IFT52: variants seen among roughly 807,000 people sequenced by gnomAD.
IFT52 encodes the protein intraflagellar transport protein 52 homolog.
Under a neutral mutation model 54.4 loss-of-function variants are expected in IFT52, and 44 were observed. The observed-to-expected ratio is 0.81, with a 90% CI of 0.63 to 1.04. The LOEUF is 1.04. Ranked by LOEUF, IFT52 falls within the 50% of genes least tolerant of loss-of-function variation. IFT52 has a pLI of 0.00. For missense variants in IFT52, 452 were observed against 523.6 expected (o/e 0.86, Z 1.33); for synonymous variants, 181 against 185.3 (o/e 0.98, Z 0.19).
intron 6 of IFT52, among the ~76,000 whole-genome samples, chr20:43,606,486 C>T (rs919404911): frequency 6.6e-6 from 1 of 151,872 alleles, no homozygotes; most frequent in Non-Finnish European, 1.5e-5. Context: ...GTTGGTCAGG[C>T]TGGTCTTGAA....
chr20:43,596,575 C>G lies in IFT52; in HGVS notation c.207+53C>G, dbSNP rs1981977625. The G allele has an allele frequency of 2.5e-6, 3 of 1,190,798 alleles. No individual in the cohort carries two copies. In the African/African-American group the frequency reaches 4.5e-5, roughly 18 times the overall value. The allele number at this position is 1,190,798 out of a possible 1,614,324, so 73.8% of individuals were successfully genotyped here. A position where few individuals can be genotyped will look rare whatever the true frequency, so the allele number is the denominator to read the frequency against. On this transcript the variant is annotated intron_variant, in intron 3 of 13. Transcript: ENST00000373030. ...ATGGTGAAATGATTAGGAGTCTGAG[C>G]TTTGAAATACCGGATTTGAATCCCC...
intron 6 of IFT52, among the ~76,000 whole-genome samples, chr20:43,608,742 A>C (rs1983177824): frequency 6.6e-6 from 1 of 151,914 alleles, no homozygotes; most frequent in Admixed American, 6.6e-5. Context: ...CTGTCTTTAC[A>C]AAAAAATACA....
At chr20:43,629,940 CT>C (rs1985041122) in intron 10 of IFT52, among the ~76,000 whole-genome samples, 1 of 152,112 alleles carries the variant, frequency 6.6e-6, no homozygotes, top group Non-Finnish European at 1.5e-5. Flanking sequence ...TCATTGGGAC[CT>C]GAATTTGAAG....
In IFT52 at chr20:43,604,173, T is replaced by A; in HGVS notation, c.338-10T>A. 6.3e-7 allele frequency: 1 copy of A among 1,591,970 alleles called. No individual in the cohort carries two copies. Among genetic ancestry groups the A allele is most frequent in the Non-Finnish European group, 8.6e-7 (1 of 1,159,988 alleles). ...CCTAAAATATACCTCCTTCTCTTTTTCCCTCATAGATGCTGTGGTTAGAAA... is the reference window on the plus strand; with the variant it reads ...CCTAAAATATACCTCCTTCTCTTTTACCCTCATAGATGCTGTGGTTAGAAA... On this transcript the variant is annotated splice_polypyrimidine_tract_variant and intron_variant, in intron 4 of 13. Coordinates refer to ENST00000373030, the MANE Select transcript of IFT52 (RefSeq NM_016004.5).
At chr20:43,612,238 C>T (rs1983508593) in intron 6 of IFT52, among the ~76,000 whole-genome samples, 1 of 151,992 alleles carries the variant, frequency 6.6e-6, no homozygotes, top group African/African-American at 2.4e-5. Context: ...CTGCTTCTGG[C>T]CCAGAGATCA....
intron 9 of IFT52, among the ~76,000 whole-genome samples, chr20:43,622,820 A>G (rs1033362875): frequency 2.9e-4 from 43 of 149,172 alleles, no homozygotes; most frequent in African/African-American, 9.8e-4. Flanking sequence ...ATAAATATAT[A>G]CATATTTTTA....
rs190439275 is a variant in IFT52 at position 43,639,680 on chromosome 20, A to T, written c.1120+2427A>T. 6.9e-3 allele frequency among the ~76,000 whole-genome samples: 1,042 copies of T among 151,820 alleles called. 7 individuals carry two copies. The highest frequency in any genetic ancestry group is 8.1e-3 in the African/African-American group (337 of 41,404). ...AGCGAAACTCCATCTAAAAAAAAAA[A>T]TTTTTTTAAGTAGCCAGGTGCGGTG... On this transcript the variant is annotated intron_variant, in intron 12 of 13. Coordinates refer to ENST00000373030, the MANE Select transcript of IFT52 (RefSeq NM_016004.5).
intron 12 of IFT52, among the ~76,000 whole-genome samples, chr20:43,638,737 G>C (rs1985715556): frequency 6.6e-6 from 1 of 152,156 alleles, no homozygotes; most frequent in Non-Finnish European, 1.5e-5. Flanking sequence ...AGAATATGTA[G>C]TCATTATAAA....
intron 6 of IFT52, among the ~76,000 whole-genome samples, chr20:43,611,111 T>G (rs1291181063): frequency 3.3e-5 from 5 of 152,322 alleles, no homozygotes; most frequent in African/African-American, 1.2e-4. Context: ...AGGAAACAGC[T>G]TCCTGGTAGA....
At chr20:43,646,856 A>G (rs1986233649) in intron 13 of IFT52, 80 bp from the exon 14 acceptor site, 2 of 1,151,754 alleles carry the variant, frequency 1.7e-6, no homozygotes, top group African/African-American at 1.5e-5. Flanking sequence ...CAGAATCTCT[A>G]AAGTCCAAAG....
intron 10 of IFT52, among the ~76,000 whole-genome samples, chr20:43,628,624 G>C (rs1234702184): frequency 6.6e-6 from 1 of 152,174 alleles, no homozygotes; most frequent in African/African-American, 2.4e-5. Flanking sequence ...AGGCCGAAGC[G>C]AGCGGATCAC....
In IFT52 at chr20:43,620,675, G is replaced by A. The variant is rs538590383; in HGVS notation, c.700-182G>A. ...TGTCTCAAAAATAAAAGGTGCATTA[G>A]GGTGAAGAAAACCTTTGAGTTCTCA... On this transcript the variant is annotated intron_variant, in intron 8 of 13. Coordinates refer to ENST00000373030, the MANE Select transcript of IFT52 (RefSeq NM_016004.5). Among the ~76,000 whole-genome samples the A allele has an allele frequency of 2.6e-5, 4 of 152,214 alleles. No individual in the cohort carries two copies. In the East Asian group the frequency reaches 5.8e-4, roughly 22 times the overall value.
chr20:43,597,176 A>G (rs1216065446), intron 3 of IFT52, among the ~76,000 whole-genome samples: 1 of 151,826 alleles, frequency 6.6e-6, no homozygotes, highest in African/African-American at 2.4e-5. Flanking sequence ...GTTCAAGACC[A>G]CCCTGACCAA....
At position 43,613,865 on chromosome 20, in the gene IFT52, G is replaced by A; in HGVS notation, c.501G>A (p.Val167=). The A allele has an allele frequency of 6.2e-7, 1 of 1,614,068 alleles. No individual in the cohort carries two copies. The highest frequency in any genetic ancestry group is 8.5e-7 in the Non-Finnish European group (1 of 1,179,938). The part of the protein sequence containing the change: ...SGNNAQALTF[V]YPFGATLSVM... Reference sequence around the variant, plus strand: ...TTTCTTACAGGGCTCTCACCTTTGTGTATCCTTTTGGTGCCACATTGAGTG... The same window carrying A: ...TTTCTTACAGGGCTCTCACCTTTGTATATCCTTTTGGTGCCACATTGAGTG... The change falls in exon 7 of 14, where the codon GTG becomes GTA. Residue 167 remains valine, a synonymous_variant. Coordinates refer to ENST00000373030, the MANE Select transcript of IFT52 (RefSeq NM_016004.5).
chr20:43,620,919 C>A lies in IFT52; in HGVS notation c.762C>A (p.Asp254Glu). 1.9e-6 allele frequency: 3 copies of A among 1,610,096 alleles called. No individual in the cohort carries two copies. Among genetic ancestry groups the A allele is most frequent in the Non-Finnish European group, 2.5e-6 (3 of 1,177,558 alleles). The change falls in exon 9 of 14, where the codon GAC (aspartate) becomes GAA (glutamate). Residue 254 changes from aspartate (D) to glutamate (E), a missense_variant. Coordinates refer to ENST00000373030, the MANE Select transcript of IFT52 (RefSeq NM_016004.5). ...DIHLNQIDAE[D>E]PEISDYMMLP... is the part of the protein sequence containing the mutation. ...ACCTAAACCAGATTGATGCTGAGGA[C>A]CCAGAGGTAGACACCGAATTATTAG...
chr20:43,604,452 T>C (rs1376567834), intron 5 of IFT52, among the ~76,000 whole-genome samples, 194 bp downstream of exon 5: 2 of 152,084 alleles, frequency 1.3e-5, no homozygotes, highest in South Asian at 2.1e-4. Context: ...AGCAGGCGCC[T>C]GTAATCCCAG....
intron 7 of IFT52, among the ~76,000 whole-genome samples, chr20:43,615,585 C>T (rs997910429): frequency 2.0e-5 from 3 of 151,610 alleles, no homozygotes; most frequent in Non-Finnish European, 2.9e-5. Context: ...GGGTGGATCA[C>T]TTGAGGTCAG....
intron 8 of IFT52, among the ~76,000 whole-genome samples, chr20:43,619,588 G>A (rs1386712509): frequency 6.6e-6 from 1 of 152,152 alleles, no homozygotes; most frequent in Non-Finnish European, 1.5e-5. Context: ...GAGTCAAGGT[G>A]TGAGTGGAGA....
At position 43,622,791 on chromosome 20, in the gene IFT52, C is replaced by T. The variant is rs1479909305; in HGVS notation, c.769-1100C>T. 2.1e-4 allele frequency among the ~76,000 whole-genome samples: 30 copies of T among 140,588 alleles called. 1 individual carries two copies. Among genetic ancestry groups the T allele is most frequent in the African/African-American group, 3.7e-4 (14 of 38,250 alleles). The allele number at this position is 140,588 out of a possible 152,430, so 92.2% of individuals were successfully genotyped here. ...AATTGTGTGTAAATATAAATATATA[C>T]ATATTTTTATATGTAAATATAAATA... On this transcript the variant is annotated intron_variant, in intron 9 of 13. Transcript: ENST00000373030.
Sources: gnomAD v4.1 joint callset for allele counts (sites outside exome capture counted in the v4.1 genomes callset) on GRCh38, gnomAD v4.1.1 for gene constraint, MANE v1.5 for transcripts, NCBI Gene and HGNC (gene_info 2026-07-23, HGNC 2026-07-21) for gene names.